Variants in USP10 observed in about 807,000 individuals in gnomAD.
The protein encoded by USP10 is ubiquitin specific peptidase 10, also known as ubiquitin carboxyl-terminal hydrolase 10.
A neutral mutation model predicts 84.5 loss-of-function variants in USP10; 22 were observed. The observed-to-expected ratio is 0.26, with a 90% CI of 0.19 to 0.37. USP10 has a LOEUF of 0.37. Ranked by LOEUF, USP10 falls within the 10% of genes least tolerant of loss-of-function variation. The pLI, the probability that USP10 is intolerant of heterozygous loss-of-function variation, is 1.00. For synonymous variants in USP10, 454 were observed against 387.6 expected (o/e 1.17, Z -2.01); for missense variants, 1,019 against 998.9 (o/e 1.02, Z -0.27).
chr16:84,772,799 C>A, intron 12 of USP10, 114 bp downstream of exon 12: 3 of 1,356,262 alleles, frequency 2.2e-6, no homozygotes, highest in Non-Finnish European at 2.0e-6. Context: ...TCTTGCTGGA[C>A]GTGGACTTGT....
intron 1 of USP10, among the ~76,000 whole-genome samples, chr16:84,715,740 G>A (rs1282000369): frequency 2.0e-5 from 3 of 152,168 alleles, no homozygotes; most frequent in Admixed American, 1.3e-4. Context: ...TCCAGAGGTA[G>A]ATCAGGCTTC....
At chr16:84,777,388 G>A (rs761226081) in intron 13 of USP10, among the ~76,000 whole-genome samples, 2 of 152,230 alleles carry the variant, frequency 1.3e-5, no homozygotes, top group African/African-American at 2.4e-5. Context: ...AGCCCAGTCA[G>A]TTAGGTCTGT....
At chr16:84,715,307 A>G (rs947872006) in intron 1 of USP10, among the ~76,000 whole-genome samples, 1 of 152,242 alleles carries the variant, frequency 6.6e-6, no homozygotes, top group Non-Finnish European at 1.5e-5. Flanking sequence ...ATATCCAGGA[A>G]GATAACCAAA....
rs1286466190 is a variant in USP10 at position 84,733,476 on chromosome 16, C to G, written c.63C>G (p.Phe21Leu). The G allele has an allele frequency of 6.2e-7, 1 of 1,609,568 alleles. No individual in the cohort carries two copies. Among genetic ancestry groups the G allele is most frequent in the African/African-American group, 1.3e-5 (1 of 74,704 alleles). Reference protein sequence around the residue: ...GDFSPDEFNQFFVTPRSSVEL... With the variant: ...GDFSPDEFNQLFVTPRSSVEL... ...TTAGCCCTGATGAATTCAATCAATT[C>G]TTTGTGACTCCTCGATCTTCAGTTG... Residue 21 changes from phenylalanine to leucine, a missense_variant, in exon 2 of 14, where the codon TTC (phenylalanine) becomes TTG (leucine). Phe to Leu is a conservative substitution (Grantham distance 22). Coordinates refer to ENST00000219473, the MANE Select transcript of USP10 (RefSeq NM_005153.3).
chr16:84,757,649 T>G (rs1478139079), intron 4 of USP10, among the ~76,000 whole-genome samples: 3 of 152,192 alleles, frequency 2.0e-5, no homozygotes, highest in African/African-American at 7.2e-5. Flanking sequence ...AATGAATTTT[T>G]GATTTTTGTT....
In USP10 at chr16:84,744,801, A is replaced by G. The variant is rs755020060; in HGVS notation, c.320A>G (p.Glu107Gly). ...SKITPDGITK[E>G]ASYGSIDCQY... Reference sequence around the variant, plus strand: ...ATAACCCCTGATGGTATCACTAAAGAAGCAAGCTATGGCTCCATCGACTGC... The same window carrying G: ...ATAACCCCTGATGGTATCACTAAAGGAGCAAGCTATGGCTCCATCGACTGC... Residue 107 changes from glutamate (E) to glycine (G), a missense_variant, in exon 4 of 14, where the codon GAA (glutamate) becomes GGA (glycine). By Grantham distance (98) the Glu-to-Gly change is moderately conservative. This residue lies in a region of USP10 where 787 missense variants were observed against 708.8 expected (regional missense o/e 1.11). Coordinates refer to ENST00000219473, the MANE Select transcript of USP10 (RefSeq NM_005153.3). 1.1e-5 allele frequency: 17 copies of G among 1,613,704 alleles called. No individual in the cohort carries two copies. Among genetic ancestry groups the G allele is most frequent in the Middle Eastern group, 1.7e-4 (1 of 6,056 alleles).
At chr16:84,735,221 GTGTGT>G (rs2150804325) in intron 2 of USP10, among the ~76,000 whole-genome samples, 1 of 150,330 alleles carries the variant, frequency 6.7e-6, no homozygotes, top group East Asian at 2.0e-4. Context: ...GTGTGTGTGT[GTGTGT>G]GTGTGTGTGT....
intron 10 of USP10, among the ~76,000 whole-genome samples, chr16:84,765,669 G>A (rs1305791210): frequency 6.6e-6 from 1 of 151,984 alleles, no homozygotes; most frequent in African/African-American, 2.4e-5. Flanking sequence ...TTATCCATTG[G>A]CCCATCCACA....
At chr16:84,761,980 G>T (rs1224507450) in intron 8 of USP10, among the ~76,000 whole-genome samples, 1 of 152,240 alleles carries the variant, frequency 6.6e-6, no homozygotes, top group African/African-American at 2.4e-5. Flanking sequence ...TCTGGAGAGG[G>T]CAAGTAAACT....
In USP10 at chr16:84,764,223, G is replaced by T; in HGVS notation, c.1792G>T (p.Val598Phe). 40 of 1,614,006 alleles carry T rather than the reference G, an allele frequency of 2.5e-5. No homozygotes were observed. Among genetic ancestry groups the T allele is most frequent in the Non-Finnish European group, 3.2e-5 (38 of 1,179,884 alleles). ...KTSVTRQADFVQTPITGIFGG... is the reference protein window; with the variant it reads ...KTSVTRQADFFQTPITGIFGG... ...TTCCGTCACCCGCCAGGCGGATTTT[G>T]TTCAGACTCCAATCACCGGCATTTT... Residue 598 changes from valine (V) to phenylalanine (F), a missense_variant, in exon 10 of 14, where the codon GTT (valine) becomes TTT (phenylalanine). Around this residue, in one of 2 missense-constraint regions of USP10, gnomAD observed 232 missense variants for 290.1 expected, o/e 0.80. Coordinates refer to ENST00000219473, the MANE Select transcript of USP10 (RefSeq NM_005153.3).
intron 1 of USP10, among the ~76,000 whole-genome samples, chr16:84,731,856 G>T (rs757129174): frequency 5.3e-5 from 8 of 151,812 alleles, no homozygotes; most frequent in Non-Finnish European, 1.2e-4. Context: ...TGCTTTGAGG[G>T]TTTCTTAGTG....
At chr16:84,772,035 G>A (rs1006248580) in intron 11 of USP10, among the ~76,000 whole-genome samples, 8 of 152,204 alleles carry the variant, frequency 5.3e-5, no homozygotes, top group Non-Finnish European at 1.2e-4. Context: ...TTATGGGAAC[G>A]TATGCATTTT....
At chr16:84,718,553 C>G (rs902673393) in intron 1 of USP10, among the ~76,000 whole-genome samples, 2 of 152,072 alleles carry the variant, frequency 1.3e-5, no homozygotes, top group Admixed American at 6.5e-5. Flanking sequence ...GTCAGGAGTT[C>G]AAGACCATCC....
chr16:84,765,490 T>TA (rs397714422), intron 10 of USP10, among the ~76,000 whole-genome samples: 1 of 151,258 alleles, frequency 6.6e-6, no homozygotes, highest in East Asian at 1.9e-4. Context: ...TTTTTTTTTT[T>TA]AATAAAGATT....
At chr16:84,730,135 G>C (rs1021859793) in intron 1 of USP10, among the ~76,000 whole-genome samples, 1 of 152,096 alleles carries the variant, frequency 6.6e-6, no homozygotes, top group Non-Finnish European at 1.5e-5. Flanking sequence ...CGTCCACTCA[G>C]CGTCCACTCA....
intron 12 of USP10, among the ~76,000 whole-genome samples, chr16:84,774,608 C>T (rs779501993): frequency 4.7e-4 from 72 of 152,122 alleles, no homozygotes; most frequent in African/African-American, 1.2e-3. Context: ...GTAGCTGAGA[C>T]TACAGCCGCG....
chr16:84,739,850 G>A lies in USP10; in HGVS notation c.91-459G>A, dbSNP rs144168149. On this transcript the variant is annotated intron_variant, in intron 2 of 13. Transcript: ENST00000219473. ...TATAGTGCGCTTTCCTCTGCTCTCC[G>A]ACCATGGACCTGGTCCCAGCCTCTA... Among the ~76,000 whole-genome samples the A allele has an allele frequency of 2.4e-3, 359 of 152,312 alleles. 3 individuals carry two copies. The highest frequency in any genetic ancestry group is 0.01 in the Middle Eastern group (3 of 294).
chr16:84,773,086 C>G (rs765022343), intron 12 of USP10, among the ~76,000 whole-genome samples: 7 of 152,182 alleles, frequency 4.6e-5, no homozygotes, highest in Non-Finnish European at 4.4e-5. Flanking sequence ...AGAGTCCCTT[C>G]TAACCTCTAG....
chr16:84,700,617 G>A lies in USP10; in HGVS notation c.21+506G>A, dbSNP rs147927039. On this transcript the variant is annotated intron_variant, in intron 1 of 13. Transcript: ENST00000219473. ...CTTTCTCAGCTTGATTGATGATGCG[G>A]GGGTTGCCGATTTTCTGTTTTTTAG... 4.2e-3 allele frequency among the ~76,000 whole-genome samples: 635 copies of A among 152,296 alleles called. 5 individuals are homozygous for A. Among genetic ancestry groups the A allele is most frequent in the African/African-American group, 0.014 (595 of 41,586 alleles).
Sources: gnomAD v4.1 joint callset for allele counts (sites outside exome capture counted in the v4.1 genomes callset) on GRCh38, gnomAD v4.1.1 for gene constraint, gnomAD v4.1.1 regional missense constraint, MANE v1.5 for transcripts, NCBI Gene and HGNC (gene_info 2026-07-23, HGNC 2026-07-21) for gene names.